The following STEAP3 variants were observed in gnomAD, a reference collection of about 807,000 sequenced individuals.
STEAP3 encodes metalloreductase STEAP3.
Under a neutral mutation model 34.9 loss-of-function variants are expected in STEAP3, and 35 were observed. The ratio of observed to expected loss-of-function variants is 1.00; its 90% CI spans 0.76 to 1.33. STEAP3 has a LOEUF of 1.33. Ranked by LOEUF, STEAP3 falls within the 40% of genes most tolerant of loss-of-function variation. The pLI is 0.00. For missense variants in STEAP3, 652 were observed against 667.6 expected (o/e 0.98, Z 0.26); for synonymous variants, 281 against 301.6 (o/e 0.93, Z 0.71).
intron 5 of STEAP3, among the ~76,000 whole-genome samples, chr2:119,262,370 G>GTA (rs945447735): frequency 6.6e-5 from 10 of 151,496 alleles, no homozygotes; most frequent in East Asian, 1.9e-4. Context: ...ACATGTATAT[G>GTA]TATATATATA....
chr2:119,231,829 G>C (rs892173692), intron 2 of STEAP3, among the ~76,000 whole-genome samples: 5 of 152,150 alleles, frequency 3.3e-5, no homozygotes, highest in African/African-American at 9.7e-5. Context: ...AATGCCCACA[G>C]AGAAAAATAG....
At position 119,263,644 on chromosome 2, in the gene STEAP3, G is replaced by A. The variant is rs1182718917; in HGVS notation, c.*306G>A. On this transcript the variant is annotated 3_prime_UTR_variant, in exon 6 of 6. Transcript: ENST00000393110. ...ACAAGTGCCGTACGTTAAGAGAAGA[G>A]CAGATCATGCTATTGTGACATTTGC... 2 of 466,410 alleles carry A rather than the reference G, an allele frequency of 4.3e-6. No homozygotes were observed. Among genetic ancestry groups the A allele is most frequent in the Admixed American group, 3.3e-5 (1 of 29,860 alleles). The allele number at this position is 466,410 out of a possible 1,614,324, so 28.9% of individuals were successfully genotyped here. A position where few individuals can be genotyped will look rare whatever the true frequency, so the allele number is the denominator to read the frequency against.
rs1198765898 is a variant in STEAP3, at chr2:119,264,810, C to CCG, written c.*1473_*1474insGC. On this transcript the variant is annotated 3_prime_UTR_variant, in exon 6 of 6. Transcript: ENST00000393110. ...ACAGATGAGGCTGCCCCTGCCCCCCCCCCGCCAGGGAGGTTTCATGAGCTC... is the reference window on the plus strand; with the variant it reads ...ACAGATGAGGCTGCCCCTGCCCCCCCCGCCCGCCAGGGAGGTTTCATGAGCTC... 2 of 127,978 alleles carry CCG rather than the reference C, an allele frequency of 1.6e-5. No homozygotes were observed. The highest frequency in any genetic ancestry group is 5.7e-5 in the African/African-American group (2 of 34,786). The allele number at this position is 127,978 out of a possible 1,614,324, so 7.9% of individuals were successfully genotyped here.
intron 2 of STEAP3, among the ~76,000 whole-genome samples, chr2:119,240,524 C>T (rs115587878): frequency 7.8e-4 from 119 of 152,366 alleles, no homozygotes; most frequent in Non-Finnish European, 1.6e-3. Context: ...GGCCATGGGG[C>T]TGTGGATGTC....
intron 2 of STEAP3, among the ~76,000 whole-genome samples, chr2:119,240,070 C>T (rs541725460): frequency 1.2e-4 from 18 of 152,148 alleles, no homozygotes; most frequent in East Asian, 7.7e-4. Context: ...TGATAGCATG[C>T]GCCTGTAGTC....
chr2:119,224,183 C>T (rs1426449122), intron 1 of STEAP3, among the ~76,000 whole-genome samples: 1 of 152,186 alleles, frequency 6.6e-6, no homozygotes, highest in Non-Finnish European at 1.5e-5. Flanking sequence ...GCCCCGGGTG[C>T]AGATGTGGGC....
In STEAP3 at chr2:119,264,803, G is replaced by GCCCCCCCC. The variant is rs138092238; in HGVS notation, c.*1468_*1475dup. ...GAATGTCACAGATGAGGCTGCCCCT[G>GCCCCCCCC]CCCCCCCCCCGCCAGGGAGGTTTCA... is the stretch of plus-strand genomic sequence containing the variant. On this transcript the variant is annotated 3_prime_UTR_variant, in exon 6 of 6. Transcript: ENST00000393110. 1 of 128,068 alleles carries GCCCCCCCC rather than the reference G, an allele frequency of 7.8e-6. No individual in the cohort carries two copies. Among genetic ancestry groups the GCCCCCCCC allele is most frequent in the African/African-American group, 2.8e-5 (1 of 35,306 alleles). The allele number at this position is 128,068 out of a possible 1,614,324, so 7.9% of individuals were successfully genotyped here. A position where few individuals can be genotyped will look rare whatever the true frequency, so the allele number is the denominator to read the frequency against.
intron 5 of STEAP3, among the ~76,000 whole-genome samples, chr2:119,255,420 A>G (rs1454414841): frequency 6.6e-6 from 1 of 152,148 alleles, no homozygotes; most frequent in African/African-American, 2.4e-5. Context: ...AAATCCAGAA[A>G]AAGGAGGTCT....
chr2:119,227,840 A>T (rs1558740303), intron 1 of STEAP3, among the ~76,000 whole-genome samples: 1 of 147,492 alleles, frequency 6.8e-6, no homozygotes, highest in African/African-American at 2.5e-5. Context: ...TTATTTATTT[A>T]TTTTTTGGAG....
At chr2:119,249,493 G>A (rs1192502562) in intron 4 of STEAP3, among the ~76,000 whole-genome samples, 1 of 152,170 alleles carries the variant, frequency 6.6e-6, no homozygotes, top group Non-Finnish European at 1.5e-5. Flanking sequence ...TCACCCAACA[G>A]GGTTCAGCCC....
chr2:119,259,494 G>A (rs1208673458), intron 5 of STEAP3, among the ~76,000 whole-genome samples: 5 of 152,208 alleles, frequency 3.3e-5, no homozygotes, highest in African/African-American at 1.2e-4. Flanking sequence ...TGAACCACTG[G>A]CCTGAGGCTG....
chr2:119,255,759 A>AT (rs397731572), intron 5 of STEAP3, among the ~76,000 whole-genome samples: 1 of 150,960 alleles, frequency 6.6e-6, no homozygotes, highest in African/African-American at 2.4e-5. Context: ...AAAAAAAAAA[A>AT]TACTCCACAG....
At position 119,262,960 on chromosome 2, in the gene STEAP3, C is replaced by A. The variant is rs1015272512; in HGVS notation, c.1216-97C>A. 5 of 1,532,162 alleles carry A rather than the reference C, an allele frequency of 3.3e-6. No individual in the cohort carries two copies. The African/African-American group carries it at 5.4e-5, about 17-fold the overall frequency. The allele number at this position is 1,532,162 out of a possible 1,614,324, so 94.9% of individuals were successfully genotyped here. On this transcript the variant is annotated intron_variant, in intron 5 of 5. Transcript: ENST00000393110. ...CATAGCGGTGAGTACTAAAGCCACCCTCCTTCCCCTCCGCCAGGCCAGCAG... is the reference window on the plus strand; with the variant it reads ...CATAGCGGTGAGTACTAAAGCCACCATCCTTCCCCTCCGCCAGGCCAGCAG...
intron 2 of STEAP3, among the ~76,000 whole-genome samples, chr2:119,240,937 T>TG (rs1212874874): frequency 6.6e-6 from 1 of 152,070 alleles, no homozygotes; most frequent in Non-Finnish European, 1.5e-5. Flanking sequence ...CCCCAACCCC[T>TG]GCCAGCCTTC....
chr2:119,248,231 C>T (rs761038686), intron 4 of STEAP3, 25 bp downstream of exon 4: 17 of 1,547,664 alleles, frequency 1.1e-5, no homozygotes, highest in Middle Eastern at 3.4e-4. Flanking sequence ...CCCTTCCTCC[C>T]TCTGGCAACT....
At chr2:119,247,646 A>G (rs754199462) in intron 3 of STEAP3, 33 bp from the exon 4 acceptor site, 3 of 1,504,278 alleles carry the variant, frequency 2.0e-6, no homozygotes, top group Non-Finnish European at 2.6e-6. Flanking sequence ...GTGGCCTGTG[A>G]CGCCGTCTGA....
intron 4 of STEAP3, chr2:119,249,009 A>G (rs980685231): frequency 6.6e-6 from 1 of 152,416 alleles, no homozygotes; most frequent in Non-Finnish European, 1.5e-5. Flanking sequence ...AGTGCATGGA[A>G]TTGCCGCTGG....
At chr2:119,236,836 G>A (rs1410665803) in intron 2 of STEAP3, among the ~76,000 whole-genome samples, 1 of 152,130 alleles carries the variant, frequency 6.6e-6, no homozygotes, top group African/African-American at 2.4e-5. Context: ...CCCAGCACTT[G>A]GCACACACAC....
chr2:119,231,075 G>A (rs369468585), intron 2 of STEAP3, 41 bp downstream of exon 2: 409 of 1,613,520 alleles, frequency 2.5e-4, no homozygotes, highest in Non-Finnish European at 3.3e-4. Context: ...GGCATGGGTC[G>A]TGTGCAAACC....
Sources: allele counts gnomAD v4.1 joint callset (sites outside exome capture counted in the v4.1 genomes callset), GRCh38; gene constraint gnomAD v4.1.1; transcripts MANE v1.5; gene names NCBI Gene and HGNC (gene_info 2026-07-23, HGNC 2026-07-21).